Variants in MORN1 observed in about 807,000 individuals in gnomAD.
The protein encoded by MORN1 is MORN repeat containing 1.
Under a neutral mutation model 61.9 loss-of-function variants are expected in MORN1, and 67 were observed. The ratio of observed to expected loss-of-function variants is 1.08; its 90% CI spans 0.89 to 1.33. MORN1 has a LOEUF of 1.33. Among genes scored for constraint, MORN1 ranks in the 40% most tolerant of loss-of-function variants. The pLI is 0.00. For missense variants in MORN1, 752 were observed against 691.2 expected, an observed-to-expected ratio of 1.09 and a Z score of -0.99; for synonymous variants, 301 against 292.0, an observed-to-expected ratio of 1.03 and a Z score of -0.31.
Position 2,324,774 on chromosome 1 carries a change from T to TG in MORN1, c.1251-632dup, listed in dbSNP as rs564773374. ...GCAGCTCCTGCCCTGAGGCAGTCTCTGGGGGGGCCCACCACCCACCAGGGT... is the reference window on the plus strand; with the variant it reads ...GCAGCTCCTGCCCTGAGGCAGTCTCTGGGGGGGGCCCACCACCCACCAGGGT... On this transcript the variant is annotated intron_variant, in intron 12 of 13. Transcript: ENST00000378531. Among the ~76,000 whole-genome samples, 53 of 152,140 alleles carry TG rather than the reference T, an allele frequency of 3.5e-4. No individual in the cohort carries two copies. The South Asian group carries it at 8.9e-3, about 26-fold the overall frequency.
chr1:2,389,200 A>C (rs773185716), intron 2 of MORN1, among the ~76,000 whole-genome samples: 2 of 152,012 alleles, frequency 1.3e-5, no homozygotes, highest in African/African-American at 4.8e-5. Flanking sequence ...GGGAACGTCC[A>C]CACCACCAAA....
At chr1:2,341,055 C>T (rs1641384331) in intron 10 of MORN1, among the ~76,000 whole-genome samples, 1 of 152,276 alleles carries the variant, frequency 6.6e-6, no homozygotes, top group Non-Finnish European at 1.5e-5. Flanking sequence ...TGCTACTCGT[C>T]TGGTGCAGGC....
At chr1:2,389,113 C>A (rs865968689) in intron 2 of MORN1, among the ~76,000 whole-genome samples, 419 of 112,482 alleles carry the variant, frequency 3.7e-3, no homozygotes, top group Middle Eastern at 8.5e-3. Context: ...ACTCTGTCTC[C>A]AAAAAAAAAA....
rs115957442 is a variant in MORN1, at chr1:2,385,139, C to T, written c.450-74G>A. Reference sequence around the variant, plus strand: ...GTGGCAGTGACTCAGACCGGCTCCTCCCACCGGGCTCCGCAGGCACTGCGG... The same window carrying T: ...GTGGCAGTGACTCAGACCGGCTCCTTCCACCGGGCTCCGCAGGCACTGCGG... On this transcript the variant is annotated intron_variant, in intron 5 of 13. Transcript: ENST00000378531. The T allele has an allele frequency of 1.1e-3, 1,605 of 1,458,144 alleles. 23 individuals carry two copies. The African/African-American group carries it at 0.021, about 19-fold the overall frequency. 90.3% of individuals were successfully genotyped at this position (1,458,144 alleles called of 1,614,324 possible).
intron 10 of MORN1, among the ~76,000 whole-genome samples, chr1:2,345,913 G>A (rs1326145511): frequency 6.6e-6 from 1 of 152,086 alleles, no homozygotes; most frequent in Non-Finnish European, 1.5e-5. Flanking sequence ...CAGGCCCATG[G>A]GTTCTATCTT....
At chr1:2,327,972 C>T (rs1205104532) in intron 12 of MORN1, among the ~76,000 whole-genome samples, 1 of 152,244 alleles carries the variant, frequency 6.6e-6, no homozygotes, top group East Asian at 1.9e-4. Flanking sequence ...CCGAGGAGCC[C>T]GTCACAGGCT....
chr1:2,324,133 T>C lies in MORN1; in HGVS notation c.1261A>G (p.Arg421Gly), dbSNP rs368575930. 3 of 1,599,958 alleles carry C rather than the reference T, an allele frequency of 1.9e-6. No homozygotes were observed. Among genetic ancestry groups the C allele is most frequent in the Non-Finnish European group, 2.6e-6 (3 of 1,174,646 alleles). The change falls in exon 13 of 14, where the codon AGA (arginine) becomes GGA (glycine). Residue 421 changes from arginine to glycine, a missense_variant. By Grantham distance (125) the Arg-to-Gly change is moderately radical. Coordinates refer to ENST00000378531, the MANE Select transcript of MORN1 (RefSeq NM_024848.3). The stretch of plus-strand genomic sequence containing the variant: ...GCCGCAGCCTGCTCCTCCGTGGCTC[T>C]CCCCTCAGGCCTGTGGAGACGACAC... ...EPPGGSRPEG[R>G]ATEEQAAAAH...
chr1:2,337,078 C>T lies in MORN1; in HGVS notation c.1037-228G>A, dbSNP rs999912760. ...GGTCCTCCGTGTCCACGGCCTCTGA[C>T]GCCCCCGCCCCCTTCTGAGTCCACC... On this transcript the variant is annotated intron_variant, in intron 10 of 13. Transcript: ENST00000378531. This position sits in a 1 kb window ranked among gnomAD's most constrained non-coding sequence, Gnocchi z 5.7. Among the ~76,000 whole-genome samples the T allele has an allele frequency of 1.3e-5, 2 of 152,150 alleles. No individual in the cohort carries two copies. Among genetic ancestry groups the T allele is most frequent in the African/African-American group, 2.4e-5 (1 of 41,426 alleles).
chr1:2,380,773 C>T (rs1282464142), intron 6 of MORN1, among the ~76,000 whole-genome samples: 1 of 152,208 alleles, frequency 6.6e-6, no homozygotes, highest in Non-Finnish European at 1.5e-5. Flanking sequence ...CCAGGCTGGT[C>T]TTGAACTCCT....
chr1:2,381,975 C>A (rs1054987572), intron 6 of MORN1, among the ~76,000 whole-genome samples: 1 of 152,106 alleles, frequency 6.6e-6, no homozygotes, highest in African/African-American at 2.4e-5. Context: ...GGGAGGGCGC[C>A]GTCCCTTGCC....
Position 2,358,638 on chromosome 1 carries a change from A to G in MORN1, c.823T>C (p.Phe275Leu). ...TCTTGGTTGTCTCTGTCCACTTTGA[A>G]AAAGTTGACCTCAGAGTAGGCTGAC... ...QLSAYSEVNFFKVDRDNQETL... is the reference protein window; with the variant it reads ...QLSAYSEVNFLKVDRDNQETL... Residue 275 changes from phenylalanine (F) to leucine (L), a missense_variant, in exon 9 of 14, where the codon TTC (phenylalanine) becomes CTC (leucine). Phe to Leu is a conservative substitution (Grantham distance 22). Coordinates refer to ENST00000378531, the MANE Select transcript of MORN1 (RefSeq NM_024848.3). The G allele has an allele frequency of 6.2e-7, 1 of 1,614,068 alleles. No individual in the cohort carries two copies. The highest frequency in any genetic ancestry group is 8.5e-7 in the Non-Finnish European group (1 of 1,179,988).
At chr1:2,328,534 G>A (rs899138968) in intron 12 of MORN1, among the ~76,000 whole-genome samples, 2 of 152,194 alleles carry the variant, frequency 1.3e-5, no homozygotes, top group African/African-American at 4.8e-5. Context: ...GAGGTGGCCG[G>A]GTGCGGCTTT....
At chr1:2,324,278 CCT>C in intron 12 of MORN1, 135 bp from the exon 13 acceptor site, 1 of 860,642 alleles carries the variant, frequency 1.2e-6, no homozygotes, top group Non-Finnish European at 1.8e-6. Context: ...GCGAACCCCA[CCT>C]CGGGGCCATG....
At chr1:2,323,328 C>T (rs1468097369) in intron 13 of MORN1, 1 of 985,348 alleles carries the variant, frequency 1.0e-6, no homozygotes, top group Non-Finnish European at 1.2e-6. Context: ...CGGTGGCATC[C>T]AGACCCCAGT....
intron 2 of MORN1, among the ~76,000 whole-genome samples, chr1:2,389,459 G>A (rs1172007445): frequency 6.6e-6 from 1 of 152,216 alleles, no homozygotes; most frequent in Non-Finnish European, 1.5e-5. Flanking sequence ...GTAGGGTCAG[G>A]GTTTCAGCAT....
At chr1:2,342,362 CA>C (rs1227462246) in intron 10 of MORN1, among the ~76,000 whole-genome samples, 1 of 152,354 alleles carries the variant, frequency 6.6e-6, no homozygotes, top group East Asian at 1.9e-4. Context: ...AGGACCTGGC[CA>C]GGGGGAGGGC....
At chr1:2,375,143 A>C (rs1234083757) in intron 6 of MORN1, 4 of 152,280 alleles carry the variant, frequency 2.6e-5, no homozygotes, top group Non-Finnish European at 5.9e-5. Context: ...AAATCATGTG[A>C]AATAGCAGGG....
intron 8 of MORN1, among the ~76,000 whole-genome samples, chr1:2,360,842 C>A (rs1641877356): frequency 6.6e-6 from 1 of 152,302 alleles, no homozygotes; most frequent in African/African-American, 2.4e-5. Context: ...ACTCAGAGGT[C>A]ACAGGAAGCG....
At chr1:2,328,949 A>T (rs542029364) in intron 12 of MORN1, among the ~76,000 whole-genome samples, 1 of 152,334 alleles carries the variant, frequency 6.6e-6, no homozygotes, top group East Asian at 1.9e-4. Flanking sequence ...TCTGCAGCCC[A>T]GGGAGATGAC....
Sources: allele counts gnomAD v4.1 joint callset (sites outside exome capture counted in the v4.1 genomes callset), GRCh38; gene constraint gnomAD v4.1.1; non-coding constraint Gnocchi (gnomAD v3.1); transcripts MANE v1.5; gene names NCBI Gene and HGNC (gene_info 2026-07-23, HGNC 2026-07-21).